Variants in ARHGEF10L observed in about 807,000 individuals in gnomAD.
The protein encoded by ARHGEF10L is Rho guanine nucleotide exchange factor 10 like.
Under a neutral mutation model 141.2 loss-of-function variants are expected in ARHGEF10L, and 69 were observed. The ratio of observed to expected loss-of-function variants is 0.49; its 90% CI spans 0.40 to 0.60. The LOEUF is 0.60. Among genes scored for constraint, ARHGEF10L ranks in the 20% least tolerant of loss-of-function variants. ARHGEF10L has a pLI of 0.00. For missense variants in ARHGEF10L, 1,482 were observed against 1,734.3 expected (o/e 0.85, Z 2.58); for synonymous variants, 711 against 718.5 (o/e 0.99, Z 0.17).
At chr1:17,544,850 C>T (rs367728023) in intron 1 of ARHGEF10L, among the ~76,000 whole-genome samples, 72 of 152,116 alleles carry the variant, frequency 4.7e-4, no homozygotes, top group African/African-American at 1.5e-3. Context: ...TGGTAGAAGG[C>T]GAAGGAGGAG....
At chr1:17,611,019 G>A (rs1467746126) in intron 7 of ARHGEF10L, among the ~76,000 whole-genome samples, 2 of 151,684 alleles carry the variant, frequency 1.3e-5, no homozygotes, top group Non-Finnish European at 2.9e-5. Flanking sequence ...TGACCTCTTT[G>A]AAATCAAGGT....
chr1:17,684,003 G>A (rs567221614), intron 26 of ARHGEF10L, among the ~76,000 whole-genome samples: 1 of 152,346 alleles, frequency 6.6e-6, no homozygotes, highest in Non-Finnish European at 1.5e-5. Context: ...ACCTCTCTCA[G>A]TGTGTGCATG....
chr1:17,587,142 C>A (rs532775897), intron 2 of ARHGEF10L, among the ~76,000 whole-genome samples: 3 of 152,310 alleles, frequency 2.0e-5, no homozygotes, highest in Non-Finnish European at 4.4e-5. Context: ...TGTAAAAAGA[C>A]CCCTTGCTCA....
At chr1:17,540,516 A>G (rs2076685465) in intron 1 of ARHGEF10L, among the ~76,000 whole-genome samples, 1 of 152,002 alleles carries the variant, frequency 6.6e-6, no homozygotes, top group South Asian at 2.1e-4. Context: ...TCCTCCCTGG[A>G]ACAGGGATAT....
intron 1 of ARHGEF10L, among the ~76,000 whole-genome samples, chr1:17,545,567 A>T (rs1035721317): frequency 9.2e-5 from 14 of 152,220 alleles, no homozygotes; most frequent in African/African-American, 3.1e-4. Flanking sequence ...TGACTCAGGC[A>T]TCTGGGAGGA....
chr1:17,622,337 G>T (rs1336737022), intron 11 of ARHGEF10L, among the ~76,000 whole-genome samples: 1 of 152,150 alleles, frequency 6.6e-6, no homozygotes, highest in African/African-American at 2.4e-5. Context: ...GCATCGAGAG[G>T]AGTAGGATCG....
At chr1:17,575,612 A>G (rs563986097) in intron 1 of ARHGEF10L, among the ~76,000 whole-genome samples, 2 of 152,292 alleles carry the variant, frequency 1.3e-5, no homozygotes, top group South Asian at 4.1e-4. Context: ...GGAGGGGGCG[A>G]ATCTTGGAGG....
chr1:17,679,270 G>A (rs2063926959), intron 26 of ARHGEF10L, among the ~76,000 whole-genome samples: 1 of 152,222 alleles, frequency 6.6e-6, no homozygotes, highest in Non-Finnish European at 1.5e-5. Flanking sequence ...AATGCGTCAG[G>A]CAGGGCAGAT....
chr1:17,526,610 A>G, the ARHGEF10L span, among the ~76,000 whole-genome samples: 1 of 152,130 alleles, frequency 6.6e-6, no homozygotes, highest in Middle Eastern at 3.2e-3. Context: ...TTTCTGACAA[A>G]GAGACAAGGC....
Position 17,602,234 on chromosome 1 carries a change from G to C in ARHGEF10L, c.349+16G>C. 3 of 1,555,580 alleles carry C rather than the reference G, an allele frequency of 1.9e-6. No homozygotes were observed. Among genetic ancestry groups the C allele is most frequent in the Non-Finnish European group, 2.6e-6 (3 of 1,149,460 alleles). On this transcript the variant is annotated intron_variant, in intron 5 of 28. Coordinates refer to ENST00000361221, the MANE Select transcript of ARHGEF10L (RefSeq NM_018125.4). The stretch of plus-strand genomic sequence containing the variant: ...TCCCGTCGCAGTAAGTCTCCCCTCC[G>C]GCCCACCGCCCACCCCAGGTAGCAA...
chr1:17,681,858 C>T (rs993299232), intron 26 of ARHGEF10L, among the ~76,000 whole-genome samples: 3 of 152,166 alleles, frequency 2.0e-5, no homozygotes. Flanking sequence ...ATGGGTGATC[C>T]TTGGTGATTG....
chr1:17,517,425 G>A, the ARHGEF10L span, among the ~76,000 whole-genome samples: 550 of 152,246 alleles, frequency 3.6e-3, 4 homozygotes, highest in African/African-American at 0.012. Flanking sequence ...TCCAGGTTCA[G>A]TGATTCTCTT....
intron 1 of ARHGEF10L, among the ~76,000 whole-genome samples, chr1:17,547,162 A>C (rs1017138913): frequency 2.0e-5 from 3 of 152,232 alleles, no homozygotes; most frequent in Non-Finnish European, 4.4e-5. Context: ...CCACAGGCCC[A>C]GGGTCTGCCC....
intron 1 of ARHGEF10L, among the ~76,000 whole-genome samples, chr1:17,541,641 G>A (rs1252885844): frequency 6.6e-6 from 1 of 152,070 alleles, no homozygotes; most frequent in Non-Finnish European, 1.5e-5. Flanking sequence ...GATCAGCTTG[G>A]CCAACATGGT....
intron 1 of ARHGEF10L, among the ~76,000 whole-genome samples, chr1:17,543,074 A>G (rs975772458): frequency 2.0e-5 from 3 of 152,182 alleles, no homozygotes; most frequent in Non-Finnish European, 4.4e-5. Flanking sequence ...GCAGTGTCCC[A>G]GAGAGTTCTT....
At chr1:17,689,412 T>G (rs1407481248) in intron 27 of ARHGEF10L, among the ~76,000 whole-genome samples, 1 of 151,190 alleles carries the variant, frequency 6.6e-6, no homozygotes, top group Non-Finnish European at 1.5e-5. Flanking sequence ...CTGGGGTGTG[T>G]GAGAGGCTTG....
intron 11 of ARHGEF10L, 81 bp downstream of exon 11, chr1:17,622,022 G>C (rs2060136099): frequency 1.4e-6 from 2 of 1,472,328 alleles, no homozygotes. Flanking sequence ...GGAGTGTTTG[G>C]GGACTGTGGG....
chr1:17,659,421 A>C (rs140760600), intron 25 of ARHGEF10L, among the ~76,000 whole-genome samples: 3 of 152,274 alleles, frequency 2.0e-5, no homozygotes, highest in African/African-American at 7.2e-5. Context: ...CCTGGATTAC[A>C]TGCGGCCAGG....
chr1:17,547,291 C>A (rs925179274), intron 1 of ARHGEF10L, among the ~76,000 whole-genome samples: 1 of 152,222 alleles, frequency 6.6e-6, no homozygotes, highest in Non-Finnish European at 1.5e-5. Flanking sequence ...CAGATACATC[C>A]CCAGTCCAGG....
Sources: allele counts gnomAD v4.1 joint callset (sites outside exome capture counted in the v4.1 genomes callset), GRCh38; gene constraint gnomAD v4.1.1; transcripts MANE v1.5; gene names NCBI Gene and HGNC (gene_info 2026-07-23, HGNC 2026-07-21).